Variants in ELOVL6 observed in about 807,000 individuals in gnomAD.
The protein encoded by ELOVL6 is very long chain fatty acid elongase 6.
In ELOVL6, 8 loss-of-function variants were observed where a neutral mutation model predicts 31.7. The ratio of observed to expected loss-of-function variants is 0.25; its 90% CI spans 0.15 to 0.45. The LOEUF is 0.45. Among genes scored for constraint, ELOVL6 ranks in the 20% least tolerant of loss-of-function variants. The pLI, the probability that ELOVL6 is intolerant of heterozygous loss-of-function variation, is 1.00. For missense variants in ELOVL6, 126 were observed against 326.4 expected (o/e 0.39, Z 4.73); for synonymous variants, 101 against 117.7 (o/e 0.86, Z 0.92).
At chr4:110,099,865 G>A (rs931858822) in intron 2 of ELOVL6, among the ~76,000 whole-genome samples, 30 of 152,316 alleles carry the variant, frequency 2.0e-4, no homozygotes, top group Non-Finnish European at 8.8e-5. Context: ...TGTCTGTGAA[G>A]AACAGGGGAT....
At chr4:110,072,114 A>G (rs946089155) in intron 2 of ELOVL6, among the ~76,000 whole-genome samples, 1 of 152,138 alleles carries the variant, frequency 6.6e-6, no homozygotes, top group Non-Finnish European at 1.5e-5. Flanking sequence ...CCTAACTCCT[A>G]GCAGCTGACC....
chr4:110,187,691 C>A, intron 1 of ELOVL6, among the ~76,000 whole-genome samples: 1 of 142,776 alleles, frequency 7.0e-6, no homozygotes. Context: ...AATGAAACTC[C>A]ATCTAAAAAA....
At chr4:110,196,393 G>GCGGTTCCGGCGCCCGC (rs1759784485) in intron 1 of ELOVL6, among the ~76,000 whole-genome samples, 1 of 152,130 alleles carries the variant, frequency 6.6e-6, no homozygotes, top group Non-Finnish European at 1.5e-5. Context: ...AGCCAGCAGC[G>GCGGTTCCGGCGCCCGC]CGGTTCCGGC....
chr4:110,057,804 T>C (rs1427613573), intron 3 of ELOVL6, among the ~76,000 whole-genome samples: 2 of 141,140 alleles, frequency 1.4e-5, no homozygotes, highest in Non-Finnish European at 3.0e-5. Context: ...TGAGCCGAGA[T>C]CGCGCCACTG....
chr4:110,195,535 C>T (rs765603369), intron 1 of ELOVL6, among the ~76,000 whole-genome samples: 1 of 151,732 alleles, frequency 6.6e-6, no homozygotes, highest in Admixed American at 6.6e-5. Flanking sequence ...CAAAATCTGG[C>T]ATTTAAAAAA....
At chr4:110,160,334 C>T (rs1466575346) in intron 1 of ELOVL6, among the ~76,000 whole-genome samples, 1 of 152,168 alleles carries the variant, frequency 6.6e-6, no homozygotes, top group Admixed American at 6.5e-5. Flanking sequence ...TTTTCCTGAA[C>T]ATCCCTGCAA....
intron 2 of ELOVL6, among the ~76,000 whole-genome samples, chr4:110,068,897 C>T (rs1490976473): frequency 3.7e-4 from 57 of 152,292 alleles, no homozygotes; most frequent in Non-Finnish European, 1.5e-5. Context: ...AATCCCAACA[C>T]TTTGGAAGAC....
At chr4:110,164,643 G>T (rs1758717623) in intron 1 of ELOVL6, among the ~76,000 whole-genome samples, 1 of 151,338 alleles carries the variant, frequency 6.6e-6, no homozygotes, top group Admixed American at 6.6e-5. Context: ...AGGAGGATGA[G>T]GTGGGAGGAC....
intron 2 of ELOVL6, among the ~76,000 whole-genome samples, chr4:110,078,704 A>C (rs1436151565): frequency 6.6e-6 from 1 of 152,226 alleles, no homozygotes; most frequent in East Asian, 1.9e-4. Flanking sequence ...TAACCAGCTA[A>C]CATCATAATG....
At chr4:110,068,979 TAAAAACACA>T (rs1755385023) in intron 2 of ELOVL6, among the ~76,000 whole-genome samples, 1 of 151,960 alleles carries the variant, frequency 6.6e-6, no homozygotes, top group South Asian at 2.1e-4. Context: ...CTGTCTCTAC[TAAAAACACA>T]AAAATTAGCT....
At chr4:110,153,840 G>GTCTTACTTA (rs1369103208) in intron 1 of ELOVL6, among the ~76,000 whole-genome samples, 1 of 152,154 alleles carries the variant, frequency 6.6e-6, no homozygotes, top group Non-Finnish European at 1.5e-5. Flanking sequence ...GGAATAATGG[G>GTCTTACTTA]CTATTTCTTA....
intron 1 of ELOVL6, among the ~76,000 whole-genome samples, chr4:110,116,704 G>A (rs1383892596): frequency 2.0e-5 from 3 of 152,008 alleles, no homozygotes; most frequent in Non-Finnish European, 4.4e-5. Context: ...CTTAAAATAC[G>A]TACTACAGGC....
chr4:110,107,410 A>G lies in ELOVL6; in HGVS notation c.90-1782T>C, dbSNP rs538362665. Reference sequence around the variant, plus strand: ...GGAAAATAATCAGGCATCTGTGTACAGTAAACAGGCAGCAAACACTAACAG... The same window carrying G: ...GGAAAATAATCAGGCATCTGTGTACGGTAAACAGGCAGCAAACACTAACAG... On this transcript the variant is annotated intron_variant, in intron 1 of 3. Coordinates refer to ENST00000302274, the MANE Select transcript of ELOVL6 (RefSeq NM_024090.3). Among the ~76,000 whole-genome samples the G allele has an allele frequency of 2.6e-5, 4 of 152,378 alleles. No homozygotes were observed. In the South Asian group the frequency reaches 8.3e-4, roughly 32 times the overall value.
At chr4:110,172,483 T>A (rs888677760) in intron 1 of ELOVL6, among the ~76,000 whole-genome samples, 21 of 152,262 alleles carry the variant, frequency 1.4e-4, no homozygotes, top group South Asian at 6.2e-4. Context: ...AGCAACTTTA[T>A]AAAGCATAAC....
chr4:110,059,720 C>T lies in ELOVL6; in HGVS notation c.256G>A (p.Val86Met), dbSNP rs1755087083. 2 of 1,613,900 alleles carry T rather than the reference C, an allele frequency of 1.2e-6. No homozygotes were observed. Among genetic ancestry groups the T allele is most frequent in the Middle Eastern group, 1.6e-4 (1 of 6,062 alleles). The part of the protein sequence containing the change: ...FGALRTGAYM[V>M]YILMTKGLKQ... Reference sequence around the variant, plus strand: ...AGGCCTTTGGTCATCAAAATGTACACCATATAAGCACCAGTTCGAAGAGCA... The same window carrying T: ...AGGCCTTTGGTCATCAAAATGTACATCATATAAGCACCAGTTCGAAGAGCA... The change falls in exon 3 of 4, where the codon GTG becomes ATG. Residue 86 changes from valine (V) to methionine (M), a missense_variant. This residue lies in a region of ELOVL6 where 53 missense variants were observed against 193.4 expected (regional missense o/e 0.27). Coordinates refer to ENST00000302274, the MANE Select transcript of ELOVL6 (RefSeq NM_024090.3).
At chr4:110,053,526 C>T (rs569013080) in intron 3 of ELOVL6, among the ~76,000 whole-genome samples, 114 of 152,050 alleles carry the variant, frequency 7.5e-4, no homozygotes, top group Middle Eastern at 3.4e-3. Context: ...GAAAGTTGGC[C>T]GGGTGTGGTG....
chr4:110,129,891 AT>A (rs371838858), intron 1 of ELOVL6, among the ~76,000 whole-genome samples: 36 of 93,524 alleles, frequency 3.8e-4, no homozygotes, highest in Middle Eastern at 0.011. Context: ...ATCCAATCCA[AT>A]TTTTTTTTTT....
At chr4:110,084,049 C>A (rs113060875) in intron 2 of ELOVL6, among the ~76,000 whole-genome samples, 397 of 7,992 alleles carry the variant, frequency 0.05, 26 homozygotes, top group South Asian at 0.13. Context: ...ATAACACATG[C>A]TATATATGAT....
chr4:110,127,962 C>T (rs1757556702), intron 1 of ELOVL6, among the ~76,000 whole-genome samples: 1 of 151,428 alleles, frequency 6.6e-6, no homozygotes, highest in Admixed American at 6.6e-5. Context: ...AATCCCAGCA[C>T]TTTGGGAGGC....
Sources: gnomAD v4.1 joint callset for allele counts (sites outside exome capture counted in the v4.1 genomes callset) on GRCh38, gnomAD v4.1.1 for gene constraint, gnomAD v4.1.1 regional missense constraint, MANE v1.5 for transcripts, NCBI Gene and HGNC (gene_info 2026-07-23, HGNC 2026-07-21) for gene names.